Variants in NRXN3 observed in about 807,000 individuals in gnomAD.
NRXN3 encodes neurexin III.
A neutral mutation model predicts 137.6 loss-of-function variants in NRXN3; 32 were observed. That is an observed-to-expected ratio of 0.23 (90% CI 0.18 to 0.31). The LOEUF (loss-of-function observed/expected upper bound fraction) is 0.31. NRXN3 is among the 10% of genes least tolerant of loss of function. The pLI, the probability that NRXN3 is intolerant of heterozygous loss-of-function variation, is 1.00. For missense variants in NRXN3, 1,574 were observed against 2,062.5 expected (o/e 0.76, Z 4.59); for synonymous variants, 798 against 784.5 (o/e 1.02, Z -0.29).
At chr14:79,135,546 C>T (rs879571953) in intron 15 of NRXN3, among the ~76,000 whole-genome samples, 8 of 152,116 alleles carry the variant, frequency 5.3e-5, no homozygotes, top group Non-Finnish European at 8.8e-5. Context: ...CCCAGGTTCA[C>T]GTATAGGAGT....
intron 10 of NRXN3, among the ~76,000 whole-genome samples, chr14:78,936,421 C>T (rs367624972): frequency 2.5e-4 from 38 of 151,916 alleles, no homozygotes; most frequent in Non-Finnish European, 3.8e-4. Flanking sequence ...CTATAAAAGA[C>T]GCCAGAGGAA....
At chr14:78,437,024 T>G (rs193012429) in intron 4 of NRXN3, among the ~76,000 whole-genome samples, 2 of 152,212 alleles carry the variant, frequency 1.3e-5, no homozygotes, top group South Asian at 2.1e-4. Context: ...AAGTTGCTTA[T>G]CCTTTCTATG....
intron 4 of NRXN3, among the ~76,000 whole-genome samples, chr14:78,574,721 C>G (rs1178140563): frequency 2.0e-5 from 3 of 152,174 alleles, no homozygotes; most frequent in African/African-American, 7.2e-5. Flanking sequence ...AGGGATTTGC[C>G]TTGTGTCAGA....
chr14:78,733,323 G>A (rs1049515279), intron 8 of NRXN3, among the ~76,000 whole-genome samples: 12 of 152,050 alleles, frequency 7.9e-5, no homozygotes, highest in Admixed American at 4.6e-4. Context: ...TCCAAAACTT[G>A]ACAAATCCTT....
chr14:79,117,647 G>T (rs1250054770), intron 15 of NRXN3, among the ~76,000 whole-genome samples: 1 of 152,148 alleles, frequency 6.6e-6, no homozygotes, highest in Non-Finnish European at 1.5e-5. Flanking sequence ...TGGTGAGTGG[G>T]AGTGAGGAAG....
chr14:79,655,424 T>G (rs2153977568), intron 16 of NRXN3, among the ~76,000 whole-genome samples: 1 of 152,316 alleles, frequency 6.6e-6, no homozygotes, highest in Non-Finnish European at 1.5e-5. Context: ...GAACACAATT[T>G]TAGATCAAAT....
chr14:78,947,886 G>C (rs2099370231), intron 10 of NRXN3, among the ~76,000 whole-genome samples: 1 of 152,102 alleles, frequency 6.6e-6, no homozygotes, highest in South Asian at 2.1e-4. Context: ...ATCTATCTGT[G>C]GAATCAGAAA....
At chr14:78,567,492 G>A (rs2096846985) in intron 4 of NRXN3, among the ~76,000 whole-genome samples, 1 of 152,052 alleles carries the variant, frequency 6.6e-6, no homozygotes, top group African/African-American at 2.4e-5. Flanking sequence ...TGACCTCACT[G>A]ACCACATGTA....
chr14:78,274,918 C>T (rs17107231), intron 2 of NRXN3, among the ~76,000 whole-genome samples: 2,584 of 152,194 alleles, frequency 0.017, 78 homozygotes, highest in African/African-American at 0.055. Flanking sequence ...CTACTGAGGA[C>T]GTGTGTGAAT....
chr14:79,547,745 G>T (rs1209489139), intron 16 of NRXN3, among the ~76,000 whole-genome samples: 1 of 152,138 alleles, frequency 6.6e-6, no homozygotes, highest in Non-Finnish European at 1.5e-5. Flanking sequence ...TCATTGGGAG[G>T]CTTATAAATT....
intron 15 of NRXN3, among the ~76,000 whole-genome samples, chr14:79,318,902 T>C (rs1370127060): frequency 1.3e-5 from 2 of 152,230 alleles, no homozygotes; most frequent in African/African-American, 4.8e-5. Flanking sequence ...AGTATTACTT[T>C]CCCTTCCTTG....
intron 6 of NRXN3, among the ~76,000 whole-genome samples, chr14:78,654,947 A>G (rs2097773651): frequency 6.6e-6 from 1 of 152,212 alleles, no homozygotes; most frequent in Non-Finnish European, 1.5e-5. Flanking sequence ...GAATCTTTCA[A>G]GAATCTTCTC....
At chr14:79,709,078 G>C (rs1678299803) in intron 19 of NRXN3, among the ~76,000 whole-genome samples, 2 of 152,044 alleles carry the variant, frequency 1.3e-5, no homozygotes, top group Admixed American at 6.6e-5. Context: ...TGTGTATACA[G>C]ATCACCTGGG....
intron 10 of NRXN3, among the ~76,000 whole-genome samples, chr14:78,931,809 G>A (rs2099322760): frequency 6.6e-6 from 1 of 152,288 alleles, no homozygotes; most frequent in African/African-American, 2.4e-5. Context: ...GAACACTGAA[G>A]TACACTGGCA....
intron 8 of NRXN3, among the ~76,000 whole-genome samples, chr14:78,730,921 G>C (rs1389441090): frequency 2.0e-5 from 3 of 152,098 alleles, no homozygotes; most frequent in Non-Finnish European, 4.4e-5. Context: ...GTGGCGTGAT[G>C]GTCAAGGAAT....
chr14:78,171,645 T>TC (rs1231430251), intron 1 of NRXN3, among the ~76,000 whole-genome samples: 14 of 151,590 alleles, frequency 9.2e-5, no homozygotes, highest in African/African-American at 3.2e-4. Flanking sequence ...AAAAAATGTG[T>TC]CCCCCCACCC....
chr14:78,198,770 G>T (rs1431820051), intron 1 of NRXN3, among the ~76,000 whole-genome samples: 3 of 152,218 alleles, frequency 2.0e-5, no homozygotes, highest in Non-Finnish European at 2.9e-5. Flanking sequence ...CAATGGAACA[G>T]AATTTTCTCA....
intron 1 of NRXN3, among the ~76,000 whole-genome samples, chr14:78,205,173 A>G (rs1205364410): frequency 6.6e-6 from 1 of 152,198 alleles, no homozygotes. Flanking sequence ...GGGATGCCAG[A>G]GGGTTAATGT....
chr14:78,395,111 T>C lies in NRXN3; in HGVS notation c.757+97251T>C, dbSNP rs187659199. Reference sequence around the variant, plus strand: ...CCATTTACTTTGGATTTATTATTTTTTTTTAGGTTTTCGAGATGTGGCCTT... The same window carrying C: ...CCATTTACTTTGGATTTATTATTTTCTTTTAGGTTTTCGAGATGTGGCCTT... On this transcript the variant is annotated intron_variant, in intron 4 of 20. Coordinates refer to ENST00000335750, the MANE Select transcript of NRXN3 (RefSeq NM_001330195.2). 9.2e-5 allele frequency among the ~76,000 whole-genome samples: 14 copies of C among 151,956 alleles called. No homozygotes were observed. The East Asian group carries it at 1.7e-3, about 19-fold the overall frequency.
Sources: allele counts gnomAD v4.1 joint callset (sites outside exome capture counted in the v4.1 genomes callset), GRCh38; gene constraint gnomAD v4.1.1; transcripts MANE v1.5; gene names NCBI Gene and HGNC (gene_info 2026-07-23, HGNC 2026-07-21).